Variants in SYN3 observed in about 807,000 individuals in gnomAD.
SYN3 encodes synapsin III, also known as synapsin-3.
SYN3 carries 35 observed loss-of-function variants against 65.8 expected under a neutral mutation model. The observed-to-expected ratio is 0.53, with a 90% CI of 0.41 to 0.70. SYN3 has a LOEUF of 0.70. SYN3 is among the 30% of genes least tolerant of loss of function. SYN3 has a pLI of 0.00. For missense variants in SYN3, 680 were observed against 749.0 expected, an observed-to-expected ratio of 0.91 and a Z score of 1.08; for synonymous variants, 270 against 292.9, an observed-to-expected ratio of 0.92 and a Z score of 0.80.
chr22:32,583,604 C>T (rs545732307), intron 7 of SYN3, among the ~76,000 whole-genome samples: 2 of 152,346 alleles, frequency 1.3e-5, no homozygotes, highest in African/African-American at 4.8e-5. Context: ...ATCATTTCTC[C>T]TCTTTGATCT....
At chr22:32,615,981 TCCTC>T (rs1331816043) in intron 6 of SYN3, among the ~76,000 whole-genome samples, 2 of 152,140 alleles carry the variant, frequency 1.3e-5, no homozygotes, top group African/African-American at 4.8e-5. Flanking sequence ...AGCTGCAAGA[TCCTC>T]CCTAGGTCAC....
intron 4 of SYN3, among the ~76,000 whole-genome samples, chr22:32,889,155 G>A (rs1304605093): frequency 6.6e-6 from 1 of 152,222 alleles, no homozygotes; most frequent in Non-Finnish European, 1.5e-5. Context: ...CTGGGGTGGA[G>A]GCCGCAGGAC....
At chr22:32,853,877 G>A (rs1358437374) in intron 6 of SYN3, among the ~76,000 whole-genome samples, 2 of 152,204 alleles carry the variant, frequency 1.3e-5, no homozygotes, top group Admixed American at 6.5e-5. Context: ...AAGAGGTTAA[G>A]TAACTTTCCA....
chr22:32,866,202 T>G (rs2048685802), intron 5 of SYN3, among the ~76,000 whole-genome samples: 1 of 152,232 alleles, frequency 6.6e-6, no homozygotes, highest in Admixed American at 6.5e-5. Context: ...GCCCAGTGGT[T>G]AAAGGAGTGG....
chr22:32,891,226 G>T (rs1162095947), intron 4 of SYN3, among the ~76,000 whole-genome samples: 2 of 152,118 alleles, frequency 1.3e-5, no homozygotes, highest in African/African-American at 2.4e-5. Flanking sequence ...CATCTGGGGG[G>T]GTCAATTTTG....
intron 7 of SYN3, among the ~76,000 whole-genome samples, chr22:32,556,803 G>GTTTTTTTTTTTTTTTTTTTTTTTTTT: frequency 2.8e-5 from 1 of 35,260 alleles, no homozygotes; most frequent in Non-Finnish European, 5.6e-5. Context: ...TAGGTTTCCT[G>GTTTTTTTTTTTTTTTTTTTTTTTTTT]GTTTTTTTTT....
intron 1 of SYN3, among the ~76,000 whole-genome samples, chr22:33,049,810 A>C (rs995124424): frequency 6.6e-6 from 1 of 152,152 alleles, no homozygotes; most frequent in Non-Finnish European, 1.5e-5. Context: ...TGTGAGCTAG[A>C]AGACCCCAGG....
At chr22:32,873,636 T>C (rs2048910930) in intron 4 of SYN3, among the ~76,000 whole-genome samples, 1 of 152,178 alleles carries the variant, frequency 6.6e-6, no homozygotes, top group Admixed American at 6.5e-5. Flanking sequence ...ACGGAACACC[T>C]GATGTAAAAT....
Position 33,014,940 on chromosome 22 carries a change from T to A in SYN3, c.-162-8116A>T, listed in dbSNP as rs560790279. On this transcript the variant is annotated intron_variant, in intron 1 of 13. Coordinates refer to ENST00000358763, the MANE Select transcript of SYN3 (RefSeq NM_003490.4). ...GATCCTGGGGTCTGGAGGCAAAGTATGTTATGCATAAAAGTGGATAATTTA... is the reference window on the plus strand; with the variant it reads ...GATCCTGGGGTCTGGAGGCAAAGTAAGTTATGCATAAAAGTGGATAATTTA... 4.5e-4 allele frequency: 82 copies of A among 181,810 alleles called. 1 individual carries two copies. The highest frequency in any genetic ancestry group is 1.7e-4 in the Non-Finnish European group (14 of 80,230). The allele number at this position is 181,810 out of a possible 1,614,324, so 11.3% of individuals were successfully genotyped here.
chr22:32,778,897 T>C (rs1174087376), intron 6 of SYN3, among the ~76,000 whole-genome samples: 1 of 152,222 alleles, frequency 6.6e-6, no homozygotes, highest in Non-Finnish European at 1.5e-5. Context: ...AATATACCAT[T>C]GTATTGGGTA....
chr22:32,935,391 G>T (rs945683082), intron 3 of SYN3, among the ~76,000 whole-genome samples: 1 of 150,812 alleles, frequency 6.6e-6, no homozygotes, highest in Non-Finnish European at 1.5e-5. Context: ...TAAATATTCT[G>T]CATGAGCTAA....
chr22:32,515,144 CTTGAA>C (rs1399735405), intron 13 of SYN3, among the ~76,000 whole-genome samples: 1 of 152,146 alleles, frequency 6.6e-6, no homozygotes, highest in East Asian at 1.9e-4. Flanking sequence ...TACCTGCTGA[CTTGAA>C]TTGAACCAAG....
At chr22:32,896,300 T>C (rs1013996075) in intron 4 of SYN3, among the ~76,000 whole-genome samples, 1 of 151,676 alleles carries the variant, frequency 6.6e-6, no homozygotes, top group Non-Finnish European at 1.5e-5. Context: ...ACTGAAAAAA[T>C]ACAAAAATTA....
At chr22:32,951,453 C>T (rs1249902051) in intron 3 of SYN3, among the ~76,000 whole-genome samples, 1 of 152,182 alleles carries the variant, frequency 6.6e-6, no homozygotes, top group African/African-American at 2.4e-5. Context: ...ACGTCCATCT[C>T]AATTAACTAT....
intron 2 of SYN3, among the ~76,000 whole-genome samples, chr22:32,992,396 A>C (rs745816753): frequency 1.3e-5 from 2 of 152,222 alleles, no homozygotes; most frequent in Non-Finnish European, 1.5e-5. Context: ...TTTTCTGTAT[A>C]CTGAGCTTAA....
intron 7 of SYN3, among the ~76,000 whole-genome samples, chr22:32,559,508 C>T (rs1052311281): frequency 6.6e-6 from 1 of 152,158 alleles, no homozygotes; most frequent in Non-Finnish European, 1.5e-5. Flanking sequence ...GCAGCTGGCA[C>T]CAGAGAAAGG....
intron 4 of SYN3, among the ~76,000 whole-genome samples, chr22:32,910,502 T>C (rs1351158796): frequency 6.6e-6 from 1 of 152,174 alleles, no homozygotes; most frequent in Non-Finnish European, 1.5e-5. Context: ...GGCTATTATT[T>C]ATTGAGTACG....
chr22:32,782,262 T>C (rs1042750253), intron 6 of SYN3, among the ~76,000 whole-genome samples: 1 of 151,976 alleles, frequency 6.6e-6, no homozygotes, highest in African/African-American at 2.4e-5. Flanking sequence ...GAGACGGGGT[T>C]TTACCATGTT....
chr22:32,776,746 T>A (rs1027415304), intron 6 of SYN3, among the ~76,000 whole-genome samples: 1 of 152,172 alleles, frequency 6.6e-6, no homozygotes, highest in Admixed American at 6.5e-5. Flanking sequence ...ACAGAGGGCA[T>A]GAAAAGCATT....
Sources: allele counts gnomAD v4.1 joint callset (sites outside exome capture counted in the v4.1 genomes callset), GRCh38; gene constraint gnomAD v4.1.1; transcripts MANE v1.5; gene names NCBI Gene and HGNC (gene_info 2026-07-23, HGNC 2026-07-21).